The following LNX1 variants were observed in gnomAD, a reference collection of about 807,000 sequenced individuals.
LNX1 encodes E3 ubiquitin-protein ligase LNX.
LNX1 carries 54 observed loss-of-function variants against 68.4 expected under a neutral mutation model. That is an observed-to-expected ratio of 0.79 (90% CI 0.63 to 0.99). The LOEUF is 0.99. Ranked by LOEUF, LNX1 falls within the 50% of genes least tolerant of loss-of-function variation. The probability of loss-of-function intolerance (pLI) is 0.00; values close to 1 mark genes in which losing one functional copy is unlikely to be tolerated. For missense variants in LNX1, 906 were observed against 926.4 expected, an observed-to-expected ratio of 0.98 and a Z score of 0.29; for synonymous variants, 336 against 350.0, an observed-to-expected ratio of 0.96 and a Z score of 0.45.
Position 53,529,597 on chromosome 4 carries a change from T to TGCA in LNX1, c.381-21373_381-21371dup, listed in dbSNP as rs1388659516. On this transcript the variant is annotated intron_variant, in intron 2 of 10. Coordinates refer to ENST00000263925, the MANE Select transcript of LNX1 (RefSeq NM_001126328.3). ...ATGAAGCTCTGTTGGCAGGGACAGA[T>TGCA]GCAGGGAGACCCTGGGAACAGAGCA... 2.0e-5 allele frequency among the ~76,000 whole-genome samples: 3 copies of TGCA among 152,268 alleles called. No individual in the cohort carries two copies. The East Asian group carries it at 5.8e-4, about 29-fold the overall frequency.
chr4:53,493,613 C>A (rs1161213936), intron 6 of LNX1, among the ~76,000 whole-genome samples: 6 of 152,240 alleles, frequency 3.9e-5, no homozygotes, highest in African/African-American at 1.4e-4. Flanking sequence ...ATAACCAGAT[C>A]TCAGGTGCAG....
intron 2 of LNX1, among the ~76,000 whole-genome samples, chr4:53,529,702 C>T (rs2109612609): frequency 6.6e-6 from 1 of 152,234 alleles, no homozygotes; most frequent in Admixed American, 6.5e-5. Context: ...CAAGCTACCA[C>T]CATAGTAGGA....
chr4:53,619,624 C>G (rs1169362225), upstream of LNX1, among the ~76,000 whole-genome samples: 2 of 152,120 alleles, frequency 1.3e-5, no homozygotes, highest in South Asian at 4.1e-4. Flanking sequence ...CTTGATGAGC[C>G]TTTGGGTTCT....
chr4:53,548,865 T>C (rs1196627018), intron 2 of LNX1, among the ~76,000 whole-genome samples: 5 of 152,182 alleles, frequency 3.3e-5, no homozygotes, highest in African/African-American at 1.2e-4. Context: ...CAAGATCATG[T>C]CTTTCACAGG....
At chr4:53,557,302 G>A (rs758623644) in intron 2 of LNX1, among the ~76,000 whole-genome samples, 6 of 152,168 alleles carry the variant, frequency 3.9e-5, no homozygotes, top group Non-Finnish European at 7.3e-5. Context: ...GTGGCAAAAT[G>A]TTAACCCATT....
intron 2 of LNX1, among the ~76,000 whole-genome samples, chr4:53,603,330 A>C (rs1359555249): frequency 1.3e-5 from 2 of 152,186 alleles, no homozygotes; most frequent in Non-Finnish European, 2.9e-5. Flanking sequence ...ATAAACACAC[A>C]AATGGACAAA....
At chr4:53,535,243 A>T (rs969660195) in intron 2 of LNX1, among the ~76,000 whole-genome samples, 3 of 152,244 alleles carry the variant, frequency 2.0e-5, no homozygotes, top group Admixed American at 6.5e-5. Context: ...TGTAGACCCC[A>T]TAAACCATGG....
At chr4:53,537,622 G>C (rs1728464324) in intron 2 of LNX1, among the ~76,000 whole-genome samples, 1 of 152,082 alleles carries the variant, frequency 6.6e-6, no homozygotes, top group African/African-American at 2.4e-5. Flanking sequence ...CAAACACAGG[G>C]CTCTCCTGCC....
chr4:53,506,933 T>G (rs958383493), intron 4 of LNX1, among the ~76,000 whole-genome samples: 1 of 148,804 alleles, frequency 6.7e-6, no homozygotes, highest in African/African-American at 2.5e-5. Flanking sequence ...AGGAAATGCA[T>G]GTAAAACACT....
At chr4:53,650,712 T>TC (rs1338542857) in intron 1 of LNX1, among the ~76,000 whole-genome samples, 2 of 151,936 alleles carry the variant, frequency 1.3e-5, no homozygotes, top group African/African-American at 4.8e-5. Context: ...CCCTTCCGTG[T>TC]CCCCCCAAGA....
chr4:53,464,435 C>T (rs1722492906), intron 9 of LNX1, among the ~76,000 whole-genome samples: 1 of 92,210 alleles, frequency 1.1e-5, no homozygotes. Context: ...TATTTAGCTC[C>T]AATTTTTATT....
chr4:53,516,753 T>C (rs1314750685), intron 2 of LNX1, among the ~76,000 whole-genome samples: 5 of 152,196 alleles, frequency 3.3e-5, no homozygotes, highest in African/African-American at 1.2e-4. Flanking sequence ...AAACCCAGGA[T>C]ACCTGATGGC....
intron 1 of LNX1, among the ~76,000 whole-genome samples, chr4:53,638,479 G>A (rs1734562752): frequency 6.6e-6 from 1 of 152,198 alleles, no homozygotes; most frequent in African/African-American, 2.4e-5. Context: ...GAAACTTTAA[G>A]TCATGGGATG....
chr4:53,640,527 C>A (rs981657519), intron 1 of LNX1, among the ~76,000 whole-genome samples: 1 of 152,188 alleles, frequency 6.6e-6, no homozygotes, highest in Non-Finnish European at 1.5e-5. Context: ...AAAACACATA[C>A]ATTTCATTGC....
intron 1 of LNX1, among the ~76,000 whole-genome samples, chr4:53,581,537 C>T (rs1218535196): frequency 6.6e-6 from 1 of 152,128 alleles, no homozygotes; most frequent in Non-Finnish European, 1.5e-5. Context: ...TTCCATATGA[C>T]TGAGGAAGCC....
intron 2 of LNX1, chr4:53,558,206 G>C: frequency 1.5e-6 from 2 of 1,294,486 alleles, no homozygotes; most frequent in South Asian, 3.4e-5. Context: ...GTTGGCGAGA[G>C]AGCTTAGGCT....
intron 2 of LNX1, among the ~76,000 whole-genome samples, chr4:53,541,331 A>G (rs1728753487): frequency 6.6e-6 from 1 of 152,158 alleles, no homozygotes; most frequent in South Asian, 2.1e-4. Flanking sequence ...GTCAAAAAAA[A>G]GAGGTTGGGC....
chr4:53,521,816 A>T (rs7661420), intron 2 of LNX1, among the ~76,000 whole-genome samples: 1 of 151,858 alleles, frequency 6.6e-6, no homozygotes, highest in East Asian at 1.9e-4. Flanking sequence ...CTCTTTGGTT[A>T]CTGCTCTGCT....
rs753213418 is a variant in LNX1, at chr4:53,508,201, A to AGAC, written c.406_407insGTC (p.Gly135_Leu136insArg). On this transcript the variant is annotated inframe_insertion, in exon 3 of 11. Coordinates refer to ENST00000263925, the MANE Select transcript of LNX1 (RefSeq NM_001126328.3). Reference sequence around the variant, plus strand: ...TGAGCGCCTCTTCCTATCTTTGGTCAGGCCGTAGTGGGAGGCACCTTTACA... The same window carrying AGAC: ...TGAGCGCCTCTTCCTATCTTTGGTCAGACGGCCGTAGTGGGAGGCACCTTTACA... 7 of 1,614,150 alleles carry AGAC rather than the reference A, an allele frequency of 4.3e-6. No homozygotes were observed. In the East Asian group the frequency reaches 1.3e-4, roughly 31 times the overall value.
Sources: allele counts gnomAD v4.1 joint callset (sites outside exome capture counted in the v4.1 genomes callset), GRCh38; gene constraint gnomAD v4.1.1; transcripts MANE v1.5; gene names NCBI Gene and HGNC (gene_info 2026-07-23, HGNC 2026-07-21).